FBXL17: variants seen among roughly 807,000 people sequenced by gnomAD.
FBXL17 encodes F-box/LRR-repeat protein 17.
Under a neutral mutation model 66.2 loss-of-function variants are expected in FBXL17, and 22 were observed. That is an observed-to-expected ratio of 0.33 (90% CI 0.24 to 0.47). The LOEUF (loss-of-function observed/expected upper bound fraction) is 0.47. Ranked by LOEUF, FBXL17 falls within the 20% of genes least tolerant of loss-of-function variation. The pLI, the probability that FBXL17 is intolerant of heterozygous loss-of-function variation, is 1.00. For synonymous variants in FBXL17, 474 were observed against 400.5 expected, an observed-to-expected ratio of 1.18 and a Z score of -2.19; for missense variants, 878 against 948.2, an observed-to-expected ratio of 0.93 and a Z score of 0.97.
chr5:108,262,879 C>A (rs1756895780), intron 4 of FBXL17, among the ~76,000 whole-genome samples: 1 of 152,106 alleles, frequency 6.6e-6, no homozygotes, highest in African/African-American at 2.4e-5. Flanking sequence ...ACCATTACTA[C>A]CTATTTATAA....
intron 7 of FBXL17, among the ~76,000 whole-genome samples, chr5:107,898,496 A>G (rs1476496860): frequency 6.6e-6 from 1 of 152,062 alleles, no homozygotes; most frequent in Admixed American, 6.6e-5. Context: ...TGATTTTGTT[A>G]TTAACATTTT....
At position 108,225,961 on chromosome 5, in the gene FBXL17, G is replaced by C. The variant is rs115214756; in HGVS notation, c.1507-1733C>G. Reference sequence around the variant, plus strand: ...TTTTGGCTCTTGGTCACTTGGTTGAGTCTACCTCATCTCAGTCCTCAGCTC... The same window carrying C: ...TTTTGGCTCTTGGTCACTTGGTTGACTCTACCTCATCTCAGTCCTCAGCTC... On this transcript the variant is annotated intron_variant, in intron 4 of 8. Coordinates refer to ENST00000542267, the MANE Select transcript of FBXL17 (RefSeq NM_001163315.3). Among the ~76,000 whole-genome samples, 433 of 152,200 alleles carry C rather than the reference G, an allele frequency of 2.8e-3. 2 individuals carry two copies. The highest frequency in any genetic ancestry group is 0.01 in the African/African-American group (422 of 41,542).
chr5:108,080,743 T>C (rs563993710), intron 6 of FBXL17, among the ~76,000 whole-genome samples: 1 of 152,244 alleles, frequency 6.6e-6, no homozygotes, highest in South Asian at 2.1e-4. Flanking sequence ...TGATTGGCAA[T>C]TGGTTGAAGG....
At chr5:108,245,187 T>C (rs1756038652) in intron 4 of FBXL17, among the ~76,000 whole-genome samples, 3 of 152,152 alleles carry the variant, frequency 2.0e-5, no homozygotes, top group Non-Finnish European at 4.4e-5. Context: ...TGATGTATAA[T>C]ATGCAAAAAG....
chr5:108,297,240 T>C (rs1758385024), intron 4 of FBXL17, among the ~76,000 whole-genome samples: 1 of 151,644 alleles, frequency 6.6e-6, no homozygotes, highest in Non-Finnish European at 1.5e-5. Context: ...ACAGTAAAGG[T>C]AATAAAAGTG....
At chr5:108,041,924 T>C (rs923607736) in intron 6 of FBXL17, among the ~76,000 whole-genome samples, 2 of 152,126 alleles carry the variant, frequency 1.3e-5, no homozygotes, top group African/African-American at 4.8e-5. Context: ...TTTTCTGAGA[T>C]GGAGTTTCGC....
intron 3 of FBXL17, among the ~76,000 whole-genome samples, chr5:108,350,221 C>A (rs946564488): frequency 6.6e-6 from 1 of 152,184 alleles, no homozygotes; most frequent in East Asian, 1.9e-4. Context: ...TCTTGAAAGT[C>A]TGTTTAAAAA....
intron 4 of FBXL17, among the ~76,000 whole-genome samples, chr5:108,278,191 C>T (rs960178248): frequency 5.3e-5 from 8 of 152,158 alleles, no homozygotes; most frequent in Admixed American, 2.6e-4. Flanking sequence ...CACCAGAGAA[C>T]GCCCTGACCC....
intron 7 of FBXL17, among the ~76,000 whole-genome samples, chr5:108,007,401 T>G (rs908442388): frequency 6.6e-6 from 1 of 152,152 alleles, no homozygotes; most frequent in Non-Finnish European, 1.5e-5. Flanking sequence ...AATCATATAT[T>G]ACAATCACAA....
At chr5:108,218,104 C>T (rs1221596180) in intron 5 of FBXL17, among the ~76,000 whole-genome samples, 1 of 148,360 alleles carries the variant, frequency 6.7e-6, no homozygotes, top group Non-Finnish European at 1.5e-5. Flanking sequence ...CTCCCGGGTT[C>T]ACGCCATTCT....
At position 108,186,179 on chromosome 5, in the gene FBXL17, A is replaced by G. The variant is rs1158327684; in HGVS notation, c.1683T>C (p.Ile561=). 1 of 1,612,886 alleles carries G rather than the reference A, an allele frequency of 6.2e-7. No homozygotes were observed. Among genetic ancestry groups the G allele is most frequent in the Admixed American group, 1.7e-5 (1 of 60,012 alleles). The change falls in exon 6 of 9, where the codon ATT becomes ATC. Residue 561 remains isoleucine (I), a synonymous_variant. Transcript: ENST00000542267. ...TELDNETVME[I]VKRCKNLSSL... ...AGCTAAGATTTTTGCACCTCTTGAC[A>G]ATTTCCATCACGGTTTCATTATCCA...
At chr5:108,082,644 A>G (rs560045091) in intron 6 of FBXL17, among the ~76,000 whole-genome samples, 2 of 152,284 alleles carry the variant, frequency 1.3e-5, no homozygotes, top group East Asian at 3.9e-4. Flanking sequence ...GTGGTAGAAC[A>G]TGAACCCCAA....
chr5:108,312,918 G>C (rs1398688521), intron 4 of FBXL17, among the ~76,000 whole-genome samples: 4 of 152,000 alleles, frequency 2.6e-5, no homozygotes, highest in Admixed American at 2.6e-4. Flanking sequence ...TTTTAGGTTA[G>C]ACTGAAGTTA....
intron 7 of FBXL17, among the ~76,000 whole-genome samples, chr5:107,996,043 T>A (rs1753457665): frequency 7.3e-6 from 1 of 137,410 alleles, no homozygotes; most frequent in Non-Finnish European, 1.5e-5. Context: ...CCACTTAATT[T>A]TATGGTTGGT....
intron 1 of FBXL17, 79 bp downstream of exon 1, chr5:108,380,620 G>A (rs1749779882): frequency 2.1e-6 from 2 of 933,282 alleles, no homozygotes; most frequent in Non-Finnish European, 2.8e-6. Context: ...GCGCTTAGGG[G>A]GAGGAGAGAG....
At chr5:108,215,492 T>C (rs1754559370) in intron 5 of FBXL17, among the ~76,000 whole-genome samples, 1 of 152,230 alleles carries the variant, frequency 6.6e-6, no homozygotes, top group South Asian at 2.1e-4. Context: ...CAGCTTTTCA[T>C]GTGCTTGGCA....
intron 6 of FBXL17, among the ~76,000 whole-genome samples, chr5:108,121,076 TC>T (rs1325392375): frequency 6.6e-6 from 1 of 152,142 alleles, no homozygotes; most frequent in East Asian, 1.9e-4. Flanking sequence ...ACGCCTGCAA[TC>T]CCAACACTTT....
At chr5:108,120,793 C>G (rs1009570621) in intron 6 of FBXL17, among the ~76,000 whole-genome samples, 4 of 152,140 alleles carry the variant, frequency 2.6e-5, no homozygotes, top group Admixed American at 6.5e-5. Context: ...GGAGGCAGAG[C>G]AAGACTCTGT....
intron 4 of FBXL17, among the ~76,000 whole-genome samples, chr5:108,252,077 A>G (rs1000570135): frequency 1.3e-5 from 2 of 152,122 alleles, no homozygotes; most frequent in East Asian, 3.9e-4. Flanking sequence ...TAGAAGTGGA[A>G]TTGCTGAGTC....
Sources: gnomAD v4.1 joint callset for allele counts (sites outside exome capture counted in the v4.1 genomes callset) on GRCh38, gnomAD v4.1.1 for gene constraint, MANE v1.5 for transcripts, NCBI Gene and HGNC (gene_info 2026-07-23, HGNC 2026-07-21) for gene names.